BRWD1: variants seen among roughly 807,000 people sequenced by gnomAD.
The protein encoded by BRWD1 is bromodomain and WD repeat-containing protein 1.
Under a neutral mutation model 251.2 loss-of-function variants are expected in BRWD1, and 82 were observed. The observed-to-expected ratio is 0.33, with a 90% CI of 0.27 to 0.39. The LOEUF is 0.39. Ranked by LOEUF, BRWD1 falls within the 10% of genes least tolerant of loss-of-function variation. BRWD1 has a pLI of 1.00. For synonymous variants in BRWD1, 918 were observed against 902.8 expected, an observed-to-expected ratio of 1.02 and a Z score of -0.30; for missense variants, 2,233 against 2,711.6, an observed-to-expected ratio of 0.82 and a Z score of 3.92.
chr21:39,271,369 C>G (rs767582397), intron 13 of BRWD1, among the ~76,000 whole-genome samples: 1 of 151,600 alleles, frequency 6.6e-6, no homozygotes, highest in African/African-American at 2.4e-5. Context: ...CCTAATGGTT[C>G]TGAAATAATA....
intron 23 of BRWD1, among the ~76,000 whole-genome samples, chr21:39,234,859 A>G (rs1216600722): frequency 6.6e-6 from 1 of 152,218 alleles, no homozygotes; most frequent in Non-Finnish European, 1.5e-5. Context: ...CTGTTTATCA[A>G]GAGGGAGCAG....
At chr21:39,298,279 A>G (rs1328206259) in intron 5 of BRWD1, 153 bp downstream of exon 5, 4 of 1,302,740 alleles carry the variant, frequency 3.1e-6, no homozygotes, top group Non-Finnish European at 2.9e-6. Flanking sequence ...AATAAAATTC[A>G]ATGTTCTATG....
chr21:39,288,320 A>G (rs987361990), intron 8 of BRWD1, among the ~76,000 whole-genome samples: 1 of 152,234 alleles, frequency 6.6e-6, no homozygotes, highest in Admixed American at 6.5e-5. Flanking sequence ...AATATCTTCA[A>G]GTTCACAGGT....
Position 39,320,002 on chromosome 21 carries a change from C to T in BRWD1, n.534+1024G>A, listed in dbSNP as rs779061838. Among the ~76,000 whole-genome samples, 33 of 152,212 alleles carry T rather than the reference C, an allele frequency of 2.2e-4. 1 individual carries two copies. The highest frequency in any genetic ancestry group is 1.1e-3 in the Admixed American group (17 of 15,278). On this transcript the variant is annotated intron_variant and non_coding_transcript_variant, in intron 1 of 4. Coordinates refer to the BRWD1 transcript ENST00000470108. ...CTTTCTCATTCGCTGTCACCTCAAA[C>T]CCAAACTCCTTGGCTTGCTTTTAAC...
intron 33 of BRWD1, among the ~76,000 whole-genome samples, chr21:39,213,251 AAG>A (rs2032741522): frequency 6.6e-6 from 1 of 152,210 alleles, no homozygotes; most frequent in Admixed American, 6.5e-5. Flanking sequence ...AAAATATAGA[AAG>A]AGAATATATT....
intron 21 of BRWD1, among the ~76,000 whole-genome samples, chr21:39,241,679 T>C (rs2034009003): frequency 1.3e-5 from 2 of 152,076 alleles, no homozygotes; most frequent in Non-Finnish European, 2.9e-5. Context: ...TACACAGGCA[T>C]ACTTTTTATC....
chr21:39,299,677 A>G (rs1568969330), intron 4 of BRWD1, among the ~76,000 whole-genome samples: 1 of 152,136 alleles, frequency 6.6e-6, no homozygotes, highest in East Asian at 1.9e-4. Flanking sequence ...TTTTCTGGGA[A>G]CAGAAAAGGG....
rs1425528155 is a variant in BRWD1, at chr21:39,313,260, G to T, written c.89C>A (p.Pro30Gln). ...ACTCACCTGGGCCGCTCTCCGACACGGGCCCGCCGATAGGTACCGGGCGAT... is the reference window on the plus strand; with the variant it reads ...ACTCACCTGGGCCGCTCTCCGACACTGGCCCGCCGATAGGTACCGGGCGAT... ...FLIARYLSAG[P>Q]CRRAAQVLVQ... is the part of the protein sequence containing the mutation. The change falls in exon 2 of 41, where the codon CCG becomes CAG. Residue 30 changes from proline (P) to glutamine (Q), a missense_variant. By Grantham distance (76) the Pro-to-Gln change is moderately conservative. This residue lies in a region of BRWD1 where 101 missense variants were observed against 95.6 expected (regional missense o/e 1.06). Coordinates refer to ENST00000342449, the MANE Select transcript of BRWD1 (RefSeq NM_033656.4). The T allele has an allele frequency of 1.5e-5, 23 of 1,549,932 alleles. 1 individual carries two copies. In the Admixed American group the frequency reaches 3.5e-4, roughly 23 times the overall value.
At chr21:39,272,782 A>T (rs1465319792) in intron 13 of BRWD1, among the ~76,000 whole-genome samples, 1 of 149,130 alleles carries the variant, frequency 6.7e-6, no homozygotes, top group Non-Finnish European at 1.5e-5. Context: ...TAATTTTTCT[A>T]TTTTTTTTTA....
At position 39,200,260 on chromosome 21, in the gene BRWD1, T is replaced by C. The variant is rs145660358; in HGVS notation, c.4712A>G (p.Asn1571Ser). ...SSRSGLSRSS[N>S]LRVTRTRAAQ... is the part of the protein sequence containing the mutation. ...AGCTCTAGTTCTGGTTACCCTGAGA[T>C]TGCTGCTTCTGGATAGCCCACTGCG... Residue 1571 changes from asparagine (N) to serine (S), a missense_variant, in exon 39 of 41, where the codon AAT (asparagine) becomes AGT (serine). This residue lies in a region of BRWD1 where 928 missense variants were observed against 970.0 expected (regional missense o/e 0.96). Transcript: ENST00000342449. 40 of 1,613,944 alleles carry C rather than the reference T, an allele frequency of 2.5e-5. No homozygotes were observed. The Middle Eastern group carries it at 6.6e-4, about 27-fold the overall frequency.
At chr21:39,227,374 G>A (rs1327792611) in intron 27 of BRWD1, among the ~76,000 whole-genome samples, 1 of 86 alleles carries the variant, frequency 0.012, no homozygotes, top group African/African-American at 0.071. Context: ...TTGTACACCT[G>A]TGAAAACAGG....
Position 39,213,653 on chromosome 21 carries a change from C to G in BRWD1, c.3786-100G>C. The G allele has an allele frequency of 4.4e-6, 3 of 684,956 alleles. 1 individual carries two copies. The South Asian group carries it at 6.3e-5, about 14-fold the overall frequency. 42.4% of individuals were successfully genotyped at this position (684,956 alleles called of 1,614,324 possible). Reference sequence around the variant, plus strand: ...AATATAAACAGTTCACCAACCTATACGTGCCTAATTTCAAACAGAGGAATA... The same window carrying G: ...AATATAAACAGTTCACCAACCTATAGGTGCCTAATTTCAAACAGAGGAATA... On this transcript the variant is annotated intron_variant, in intron 32 of 40. Transcript: ENST00000342449.
intron 19 of BRWD1, among the ~76,000 whole-genome samples, chr21:39,255,424 A>T (rs76976201): frequency 6.6e-6 from 1 of 152,132 alleles, no homozygotes; most frequent in Non-Finnish European, 1.5e-5. Context: ...AAAAAAAAAA[A>T]GAAAAGAAGC....
chr21:39,272,826 A>G (rs2035162321), intron 13 of BRWD1, among the ~76,000 whole-genome samples: 1 of 151,916 alleles, frequency 6.6e-6, no homozygotes, highest in African/African-American at 2.4e-5. Context: ...TGGCCAGGCT[A>G]GTCTCGATAT....
At chr21:39,221,427 A>G (rs1437286128) in intron 29 of BRWD1, among the ~76,000 whole-genome samples, 4 of 152,180 alleles carry the variant, frequency 2.6e-5, no homozygotes, top group South Asian at 2.1e-4. Flanking sequence ...AAAAAGATGC[A>G]TATGTAACAA....
intron 15 of BRWD1, among the ~76,000 whole-genome samples, chr21:39,265,412 G>A (rs1382958003): frequency 6.6e-6 from 1 of 152,162 alleles, no homozygotes; most frequent in African/African-American, 2.4e-5. Context: ...TCAAGCCTGG[G>A]TGACAGAGTG....
At chr21:39,234,699 CTT>C (rs1036574610) in intron 23 of BRWD1, among the ~76,000 whole-genome samples, 32 of 152,178 alleles carry the variant, frequency 2.1e-4, no homozygotes, top group African/African-American at 7.2e-4. Context: ...TGTTAAACCT[CTT>C]GTCTTATATC....
At chr21:39,249,641 A>G (rs1422840919) in intron 20 of BRWD1, among the ~76,000 whole-genome samples, 1 of 152,200 alleles carries the variant, frequency 6.6e-6, no homozygotes, top group Non-Finnish European at 1.5e-5. Flanking sequence ...CCATCTGTCT[A>G]ATGAGCACTG....
intron 21 of BRWD1, among the ~76,000 whole-genome samples, chr21:39,243,914 C>A (rs1429837174): frequency 6.6e-6 from 1 of 152,078 alleles, no homozygotes; most frequent in Non-Finnish European, 1.5e-5. Flanking sequence ...TTTTATTATT[C>A]TTAGAACTTT....
Sources: allele counts gnomAD v4.1 joint callset (sites outside exome capture counted in the v4.1 genomes callset), GRCh38; gene constraint gnomAD v4.1.1; regional missense constraint gnomAD v4.1.1; transcripts MANE v1.5; gene names NCBI Gene and HGNC (gene_info 2026-07-23, HGNC 2026-07-21).